Variants in PPP2R2C observed in about 807,000 individuals in gnomAD.
PPP2R2C encodes protein phosphatase 2 regulatory subunit Bgamma, also known as protein phosphatase 2, regulatory subunit B, gamma.
A neutral mutation model predicts 45.3 loss-of-function variants in PPP2R2C; 10 were observed. That is an observed-to-expected ratio of 0.22 (90% CI 0.14 to 0.37). The LOEUF (loss-of-function observed/expected upper bound fraction) is 0.37, where lower values mean the gene tolerates loss of function less well. Among genes scored for constraint, PPP2R2C ranks in the 10% least tolerant of loss-of-function variants. The pLI is 1.00. For missense variants in PPP2R2C, 308 were observed against 619.7 expected (o/e 0.50, Z 5.34); for synonymous variants, 257 against 245.4 (o/e 1.05, Z -0.44).
rs545705305 is a variant in PPP2R2C at position 6,407,544 on chromosome 4, G to A, written c.71-26450C>T. Among the ~76,000 whole-genome samples the A allele has an allele frequency of 3.0e-4, 46 of 152,212 alleles. No individual in the cohort carries two copies. In the South Asian group the frequency reaches 3.5e-3, roughly 12 times the overall value. ...CAAGTAGCTGGGACAACAGGCACCC[G>A]CCACCACACCCGGCTAATTATTTTT... On this transcript the variant is annotated intron_variant, in intron 1 of 8. Transcript: ENST00000382599.
At chr4:6,460,933 C>A (rs564290912) in intron 1 of PPP2R2C, among the ~76,000 whole-genome samples, 1 of 152,100 alleles carries the variant, frequency 6.6e-6, no homozygotes, top group East Asian at 1.9e-4. Context: ...CTTCCCATCC[C>A]GCTCCAGCTC....
At chr4:6,397,032 G>A (rs1055446963) in intron 1 of PPP2R2C, among the ~76,000 whole-genome samples, 7 of 152,182 alleles carry the variant, frequency 4.6e-5, no homozygotes, top group African/African-American at 1.2e-4. Flanking sequence ...GCACTGATGC[G>A]AGCCAGCTCT....
At chr4:6,516,079 T>C (rs1465209481) in intron 2 of PPP2R2C, among the ~76,000 whole-genome samples, 2 of 152,156 alleles carry the variant, frequency 1.3e-5, no homozygotes, top group African/African-American at 4.8e-5. Context: ...TGCAAATACT[T>C]TATTTCCAAA....
intron 4 of PPP2R2C, among the ~76,000 whole-genome samples, chr4:6,375,368 G>T (rs1715216804): frequency 1.3e-5 from 2 of 152,130 alleles, no homozygotes; most frequent in Non-Finnish European, 1.5e-5. Context: ...GATGCTGAAG[G>T]CCTCACACGG....
At chr4:6,418,073 G>A (rs765785321) in intron 1 of PPP2R2C, among the ~76,000 whole-genome samples, 8 of 152,216 alleles carry the variant, frequency 5.3e-5, no homozygotes, top group Non-Finnish European at 1.2e-4. Context: ...GCCGCCTTGG[G>A]AAGTCACTTG....
intron 1 of PPP2R2C, among the ~76,000 whole-genome samples, chr4:6,544,498 A>G (rs943540893): frequency 6.6e-5 from 10 of 152,100 alleles, no homozygotes; most frequent in African/African-American, 2.4e-4. Flanking sequence ...GTGGGCCACC[A>G]TGCCCAGCTA....
intron 2 of PPP2R2C, 140 bp downstream of exon 2, chr4:6,380,857 G>A: frequency 1.5e-6 from 2 of 1,302,342 alleles, no homozygotes; most frequent in Non-Finnish European, 2.0e-6. Flanking sequence ...GCCCTCTTGT[G>A]GGTTGGAGTA....
At chr4:6,421,223 C>G in intron 1 of PPP2R2C, 2 of 723,078 alleles carry the variant, frequency 2.8e-6, no homozygotes, top group Non-Finnish European at 3.4e-6. Context: ...GAGCCAATGC[C>G]ACAAAGGAGT....
chr4:6,480,622 C>T (rs757888979), intron 2 of PPP2R2C, among the ~76,000 whole-genome samples: 2 of 152,204 alleles, frequency 1.3e-5, no homozygotes, highest in Admixed American at 6.5e-5. Flanking sequence ...ACTGCAGGTA[C>T]ATCCTTTTAC....
intron 1 of PPP2R2C, among the ~76,000 whole-genome samples, chr4:6,403,550 C>T (rs1717589303): frequency 6.6e-6 from 1 of 152,150 alleles, no homozygotes; most frequent in Admixed American, 6.5e-5. Context: ...CTGGCAGAGG[C>T]TGTCTTTAAA....
chr4:6,353,094 A>G (rs1712714897), intron 5 of PPP2R2C, among the ~76,000 whole-genome samples: 1 of 152,056 alleles, frequency 6.6e-6, no homozygotes, highest in African/African-American at 2.4e-5. Flanking sequence ...ACCTGGATTG[A>G]GAACTTGTGG....
chr4:6,423,044 C>G, intron 1 of PPP2R2C, among the ~76,000 whole-genome samples: 1 of 152,214 alleles, frequency 6.6e-6, no homozygotes, highest in East Asian at 1.9e-4. Flanking sequence ...GCACTCACAT[C>G]TGTCACGCTG....
At chr4:6,540,924 G>A (rs896726053) in intron 1 of PPP2R2C, among the ~76,000 whole-genome samples, 1 of 152,238 alleles carries the variant, frequency 6.6e-6, no homozygotes, top group African/African-American at 2.4e-5. Flanking sequence ...CAGCACTGGA[G>A]CAGAACTCTG....
intron 5 of PPP2R2C, chr4:6,348,694 G>T (rs1432031632): frequency 1.0e-6 from 1 of 985,240 alleles, no homozygotes; most frequent in Non-Finnish European, 1.2e-6. Context: ...GTGCTGGGTG[G>T]TGTAGAAAGA....
At chr4:6,425,724 T>TCTGAATCC (rs1422867636) in intron 1 of PPP2R2C, among the ~76,000 whole-genome samples, 1 of 152,164 alleles carries the variant, frequency 6.6e-6, no homozygotes, top group East Asian at 1.9e-4. Flanking sequence ...CCAGGACACT[T>TCTGAATCC]CTGAATCCTC....
intron 1 of PPP2R2C, among the ~76,000 whole-genome samples, chr4:6,457,856 T>C (rs1363769399): frequency 6.6e-6 from 1 of 152,246 alleles, no homozygotes; most frequent in Non-Finnish European, 1.5e-5. Context: ...TTTCTATGCT[T>C]TGCAGAATTA....
intron 1 of PPP2R2C, among the ~76,000 whole-genome samples, chr4:6,390,844 T>G (rs1490712116): frequency 6.6e-6 from 1 of 152,098 alleles, no homozygotes. Flanking sequence ...ATCACCTTAT[T>G]ACTGAATTCC....
intron 1 of PPP2R2C, among the ~76,000 whole-genome samples, chr4:6,443,779 C>A (rs919053614): frequency 1.3e-5 from 2 of 152,132 alleles, no homozygotes; most frequent in African/African-American, 4.8e-5. Context: ...ACCCCACCGC[C>A]CCCCCGGAGT....
chr4:6,498,290 A>G (rs573259895), intron 2 of PPP2R2C, among the ~76,000 whole-genome samples: 1 of 152,344 alleles, frequency 6.6e-6, no homozygotes, highest in South Asian at 2.1e-4. Flanking sequence ...GTTTAAGCCT[A>G]TATCTTTGTG....
Sources: gnomAD v4.1 joint callset for allele counts (sites outside exome capture counted in the v4.1 genomes callset) on GRCh38, gnomAD v4.1.1 for gene constraint, MANE v1.5 for transcripts, NCBI Gene and HGNC (gene_info 2026-07-23, HGNC 2026-07-21) for gene names.